Variants in LPP observed in about 807,000 individuals in gnomAD.
LPP encodes the protein lipoma-preferred partner.
LPP carries 38 observed loss-of-function variants against 60.4 expected under a neutral mutation model. The ratio of observed to expected loss-of-function variants is 0.63; its 90% CI spans 0.49 to 0.83. LPP has a LOEUF of 0.83. Among genes scored for constraint, LPP ranks in the 40% least tolerant of loss-of-function variants. The pLI, the probability that LPP is intolerant of heterozygous loss-of-function variation, is 0.00. For missense variants in LPP, 902 were observed against 783.6 expected, an observed-to-expected ratio of 1.15 and a Z score of -1.80; for synonymous variants, 328 against 290.8, an observed-to-expected ratio of 1.13 and a Z score of -1.30.
chr3:188,660,497 G>C (rs78798802), intron 7 of LPP, among the ~76,000 whole-genome samples: 1 of 152,150 alleles, frequency 6.6e-6, no homozygotes, highest in Admixed American at 6.5e-5. Context: ...AATGTTTAGA[G>C]GGGTTGTTAA....
chr3:188,647,640 T>G (rs544044804), intron 7 of LPP, among the ~76,000 whole-genome samples: 1 of 152,246 alleles, frequency 6.6e-6, no homozygotes, highest in East Asian at 1.9e-4. Context: ...TCCTGGCTAT[T>G]ATGGGGACCT....
At chr3:188,682,705 T>G (rs1317124347) in intron 7 of LPP, among the ~76,000 whole-genome samples, 3 of 152,202 alleles carry the variant, frequency 2.0e-5, no homozygotes, top group Admixed American at 2.0e-4. Context: ...TACTAAGTTG[T>G]ACTGAATGTC....
chr3:188,769,528 C>A (rs1735193689), intron 9 of LPP, among the ~76,000 whole-genome samples: 1 of 152,184 alleles, frequency 6.6e-6, no homozygotes, highest in Non-Finnish European at 1.5e-5. Flanking sequence ...CTGTTGCAAA[C>A]CGTATTAACT....
intron 2 of LPP, among the ~76,000 whole-genome samples, chr3:188,248,057 T>C (rs1336465700): frequency 6.6e-6 from 1 of 152,110 alleles, no homozygotes; most frequent in African/African-American, 2.4e-5. Flanking sequence ...ACTATTGATC[T>C]AGTCTTGATT....
chr3:188,315,206 A>T (rs187571219), intron 2 of LPP, among the ~76,000 whole-genome samples: 41 of 152,188 alleles, frequency 2.7e-4, no homozygotes, highest in African/African-American at 9.6e-4. Context: ...ATAATTTCTC[A>T]TGATTGTTTT....
At chr3:188,474,513 C>G (rs770739984) in intron 4 of LPP, among the ~76,000 whole-genome samples, 1 of 149,220 alleles carries the variant, frequency 6.7e-6, no homozygotes, top group Non-Finnish European at 1.5e-5. Context: ...CACGCTCCCT[C>G]AGGCACCATC....
At chr3:188,281,475 G>A (rs1309471202) in intron 2 of LPP, among the ~76,000 whole-genome samples, 2 of 151,394 alleles carry the variant, frequency 1.3e-5, no homozygotes, top group African/African-American at 4.9e-5. Context: ...ATGATGGTTC[G>A]TGCCTGTAAT....
chr3:188,290,117 C>T (rs1363187491), intron 2 of LPP, among the ~76,000 whole-genome samples: 4 of 152,114 alleles, frequency 2.6e-5, no homozygotes, highest in South Asian at 2.1e-4. Context: ...GGACTATAGG[C>T]GCATGCCACC....
intron 3 of LPP, among the ~76,000 whole-genome samples, chr3:188,361,223 A>G (rs1435962198): frequency 6.6e-6 from 1 of 152,196 alleles, no homozygotes; most frequent in African/African-American, 2.4e-5. Flanking sequence ...AAACTGTGAT[A>G]AAGATTTTGA....
At chr3:188,273,747 C>T (rs1738674205) in intron 2 of LPP, among the ~76,000 whole-genome samples, 1 of 151,862 alleles carries the variant, frequency 6.6e-6, no homozygotes, top group Non-Finnish European at 1.5e-5. Flanking sequence ...AGGTGCACGC[C>T]ACCACACCCA....
intron 1 of LPP, among the ~76,000 whole-genome samples, chr3:188,193,269 A>C (rs921905800): frequency 6.6e-6 from 1 of 152,174 alleles, no homozygotes; most frequent in Non-Finnish European, 1.5e-5. Flanking sequence ...CAACAAGGAA[A>C]ACAAAATCCA....
At chr3:188,190,655 A>T (rs1727912394) in intron 1 of LPP, among the ~76,000 whole-genome samples, 1 of 152,216 alleles carries the variant, frequency 6.6e-6, no homozygotes, top group East Asian at 1.9e-4. Flanking sequence ...GCAGAGTATG[A>T]CAGCAGTAGA....
chr3:188,705,033 G>A (rs1186913728), intron 7 of LPP, among the ~76,000 whole-genome samples: 1 of 152,120 alleles, frequency 6.6e-6, no homozygotes, highest in African/African-American at 2.4e-5. Context: ...ACTTGGCCTG[G>A]GTTGGAAGCT....
chr3:188,645,601 C>T (rs568181040), intron 7 of LPP, among the ~76,000 whole-genome samples: 12 of 152,188 alleles, frequency 7.9e-5, no homozygotes, highest in South Asian at 6.2e-4. Context: ...AGTGTGGGAA[C>T]GTGGATCCCT....
Position 188,874,621 on chromosome 3 carries a change from G to T in LPP, c.*142G>T. The T allele has an allele frequency of 1.0e-6, 1 of 962,662 alleles. No individual in the cohort carries two copies. Among genetic ancestry groups the T allele is most frequent in the South Asian group, 2.1e-5 (1 of 48,346 alleles). 59.6% of individuals were successfully genotyped at this position (962,662 alleles called of 1,614,324 possible). On this transcript the variant is annotated 3_prime_UTR_variant, in exon 12 of 12. Coordinates refer to ENST00000617246, the MANE Select transcript of LPP (RefSeq NM_001375462.1). ...CTTGCCTTAGAAACACATAAATTAT[G>T]AGATTTTTTTTAAAAGTTGTTACCA...
intron 8 of LPP, among the ~76,000 whole-genome samples, chr3:188,751,515 A>T (rs1289692458): frequency 6.6e-6 from 1 of 152,194 alleles, no homozygotes; most frequent in Non-Finnish European, 1.5e-5. Context: ...AAGAAATACT[A>T]CTGTTTCTGT....
intron 7 of LPP, among the ~76,000 whole-genome samples, chr3:188,622,338 G>A (rs1324351012): frequency 1.3e-5 from 2 of 152,034 alleles, no homozygotes; most frequent in Admixed American, 1.3e-4. Context: ...TCATTAATAG[G>A]CTCATTTTCC....
rs755799411 is a variant in LPP, at chr3:188,874,454, C to T, written c.1814C>T (p.Thr605Ile). 6.2e-6 allele frequency: 10 copies of T among 1,614,202 alleles called. No individual in the cohort carries two copies. The Admixed American group carries it at 1.3e-4, about 22-fold the overall frequency. Residue 605 changes from threonine to isoleucine, a missense_variant, in exon 12 of 12, where the codon ACC becomes ATC. Coordinates refer to ENST00000617246, the MANE Select transcript of LPP (RefSeq NM_001375462.1). ...AACTCTGCCCGCATCAGGGTGTTGA[C>T]CGCCAAGGCGAGCACTGACCTTTAG... ...TCNSARIRVL[T>I]AKASTDL
chr3:188,424,638 T>C (rs532515202), intron 4 of LPP, among the ~76,000 whole-genome samples: 1 of 152,178 alleles, frequency 6.6e-6, no homozygotes, highest in Non-Finnish European at 1.5e-5. Context: ...TGAGTAGTGG[T>C]TTGTAGTTCT....
Sources: allele counts gnomAD v4.1 joint callset (sites outside exome capture counted in the v4.1 genomes callset), GRCh38; gene constraint gnomAD v4.1.1; transcripts MANE v1.5; gene names NCBI Gene and HGNC (gene_info 2026-07-23, HGNC 2026-07-21).